The following GTF2E2 variants were observed in gnomAD, a reference collection of about 807,000 sequenced individuals.
The protein encoded by GTF2E2 is transcription initiation factor IIE subunit beta.
GTF2E2 carries 21 observed loss-of-function variants against 40.5 expected under a neutral mutation model. The ratio of observed to expected loss-of-function variants is 0.52; its 90% confidence interval spans 0.37 to 0.75. GTF2E2 has a LOEUF of 0.75. Ranked by LOEUF, GTF2E2 falls within the 30% of genes least tolerant of loss-of-function variation. GTF2E2 has a pLI of 0.00. For missense variants in GTF2E2, 298 were observed against 338.4 expected, an observed-to-expected ratio of 0.88 and a Z score of 0.94; for synonymous variants, 117 against 121.6, an observed-to-expected ratio of 0.96 and a Z score of 0.25.
At chr8:30,579,912 G>A (rs1828462120) in intron 7 of GTF2E2, among the ~76,000 whole-genome samples, 1 of 152,234 alleles carries the variant, frequency 6.6e-6, no homozygotes, top group Non-Finnish European at 1.5e-5. Context: ...CACGGAGCAG[G>A]GGAGGGCCCC....
intron 3 of GTF2E2, among the ~76,000 whole-genome samples, chr8:30,629,829 G>A (rs1801389783): frequency 6.6e-6 from 1 of 152,064 alleles, no homozygotes; most frequent in African/African-American, 2.4e-5. Flanking sequence ...AATGACACTG[G>A]AGAAACACTA....
chr8:30,594,521 A>AGTAT (rs1828941683), intron 6 of GTF2E2, among the ~76,000 whole-genome samples: 1 of 150,906 alleles, frequency 6.6e-6, no homozygotes, highest in Non-Finnish European at 1.5e-5. Context: ...TCTTATAGAC[A>AGTAT]GTATATACTA....
chr8:30,625,984 G>A (rs540669855), intron 3 of GTF2E2, among the ~76,000 whole-genome samples: 7 of 152,112 alleles, frequency 4.6e-5, no homozygotes, highest in Non-Finnish European at 8.8e-5. Flanking sequence ...AAGCATAGTA[G>A]GCTGACAATG....
intron 2 of GTF2E2, among the ~76,000 whole-genome samples, chr8:30,653,114 A>C (rs1001227494): frequency 1.3e-5 from 2 of 152,238 alleles, no homozygotes. Flanking sequence ...AAATGTTCTA[A>C]AATTGGACTG....
At chr8:30,617,630 T>C (rs903739707) in intron 3 of GTF2E2, among the ~76,000 whole-genome samples, 2 of 152,092 alleles carry the variant, frequency 1.3e-5, no homozygotes, top group East Asian at 3.9e-4. Flanking sequence ...CACACGCCTA[T>C]AGTCCCAGTT....
chr8:30,639,824 A>G (rs917782960), intron 2 of GTF2E2, among the ~76,000 whole-genome samples: 1 of 151,782 alleles, frequency 6.6e-6, no homozygotes, highest in East Asian at 1.9e-4. Flanking sequence ...AGCTAGCCTG[A>G]GCAAAGTATC....
At chr8:30,632,115 A>C (rs1167999523) in intron 3 of GTF2E2, among the ~76,000 whole-genome samples, 2 of 152,224 alleles carry the variant, frequency 1.3e-5, no homozygotes, top group Non-Finnish European at 2.9e-5. Flanking sequence ...TGTCTCAAAA[A>C]CAAATAAATA....
intron 4 of GTF2E2, among the ~76,000 whole-genome samples, chr8:30,612,693 C>T (rs920686372): frequency 3.3e-5 from 5 of 152,078 alleles, no homozygotes; most frequent in African/African-American, 9.7e-5. Context: ...ACTGCAGGTG[C>T]GCACCACCAC....
intron 2 of GTF2E2, among the ~76,000 whole-genome samples, chr8:30,638,881 C>T (rs1801705499): frequency 6.6e-6 from 1 of 152,172 alleles, no homozygotes. Context: ...TTACATGAAC[C>T]TGATCTATAT....
intron 3 of GTF2E2, among the ~76,000 whole-genome samples, chr8:30,626,589 A>G (rs1211198305): frequency 2.0e-5 from 3 of 152,244 alleles, no homozygotes; most frequent in Non-Finnish European, 4.4e-5. Flanking sequence ...TCTATGTCTT[A>G]TAAACATGTC....
At chr8:30,629,254 A>C (rs949892031) in intron 3 of GTF2E2, among the ~76,000 whole-genome samples, 4 of 152,200 alleles carry the variant, frequency 2.6e-5, no homozygotes, top group Non-Finnish European at 5.9e-5. Flanking sequence ...CCTACTATGG[A>C]CCAGAACTGT....
chr8:30,598,748 T>A (rs552492001), intron 6 of GTF2E2, among the ~76,000 whole-genome samples: 61 of 152,322 alleles, frequency 4.0e-4, no homozygotes, highest in African/African-American at 1.3e-3. Flanking sequence ...TCTCACAGAA[T>A]CTCAAATTTA....
chr8:30,622,592 T>G (rs1308926219), intron 3 of GTF2E2, among the ~76,000 whole-genome samples: 2 of 151,986 alleles, frequency 1.3e-5, no homozygotes, highest in Non-Finnish European at 2.9e-5. Flanking sequence ...GACCAAAATT[T>G]ATTGGGCGGG....
intron 6 of GTF2E2, among the ~76,000 whole-genome samples, chr8:30,581,494 T>C (rs935008495): frequency 1.3e-5 from 2 of 152,228 alleles, no homozygotes; most frequent in Non-Finnish European, 2.9e-5. Context: ...AGGACTCTGG[T>C]GATACCATGG....
intron 4 of GTF2E2, among the ~76,000 whole-genome samples, chr8:30,614,281 C>CCT (rs1800841515): frequency 1.3e-5 from 2 of 152,220 alleles, no homozygotes; most frequent in South Asian, 4.1e-4. Context: ...CAGATTTCAC[C>CCT]ATATTAAAAC....
chr8:30,638,498 A>C (rs1396187772), intron 2 of GTF2E2: 1 of 152,610 alleles, frequency 6.6e-6, no homozygotes, highest in Admixed American at 6.5e-5. Context: ...GGGTGGCAAG[A>C]CTTAATGCAA....
intron 6 of GTF2E2, among the ~76,000 whole-genome samples, chr8:30,594,794 T>C (rs1035142635): frequency 1.1e-4 from 17 of 150,406 alleles, no homozygotes; most frequent in African/African-American, 3.7e-4. Context: ...TAGGTGGAGG[T>C]TGCGGTGAGC....
At chr8:30,615,807 C>G (rs1332707754) in intron 3 of GTF2E2, among the ~76,000 whole-genome samples, 1 of 152,124 alleles carries the variant, frequency 6.6e-6, no homozygotes, top group Non-Finnish European at 1.5e-5. Flanking sequence ...ATCAATCTAG[C>G]AATCACGATC....
intron 4 of GTF2E2, among the ~76,000 whole-genome samples, chr8:30,613,137 A>G (rs1160288006): frequency 6.6e-6 from 1 of 152,228 alleles, no homozygotes; most frequent in African/African-American, 2.4e-5. Flanking sequence ...ACACCTACAA[A>G]TATTAATAGA....
Sources: allele counts gnomAD v4.1 joint callset (sites outside exome capture counted in the v4.1 genomes callset), GRCh38; gene constraint gnomAD v4.1.1; transcripts MANE v1.5; gene names NCBI Gene and HGNC (gene_info 2026-07-23, HGNC 2026-07-21).